FRMPD1: variants seen among roughly 807,000 people sequenced by gnomAD.
FRMPD1 encodes the protein FERM and PDZ domain containing 1.
A neutral mutation model predicts 117.8 loss-of-function variants in FRMPD1; 76 were observed. The observed-to-expected ratio is 0.65, with a 90% CI of 0.54 to 0.78. The LOEUF is 0.78. FRMPD1 is among the 30% of genes least tolerant of loss of function. FRMPD1 has a pLI of 0.00. For synonymous variants in FRMPD1, 783 were observed against 770.4 expected, an observed-to-expected ratio of 1.02 and a Z score of -0.27; for missense variants, 1,786 against 1,964.5, an observed-to-expected ratio of 0.91 and a Z score of 1.72.
At chr9:37,720,430 C>T (rs576696506) in intron 6 of FRMPD1, among the ~76,000 whole-genome samples, 4 of 151,956 alleles carry the variant, frequency 2.6e-5, no homozygotes, top group South Asian at 4.2e-4. Context: ...TCTGGGAGGC[C>T]GAGGCGGGCA....
chr9:37,714,018 T>A (rs914138817), intron 5 of FRMPD1, among the ~76,000 whole-genome samples: 1 of 152,254 alleles, frequency 6.6e-6, no homozygotes, highest in Non-Finnish European at 1.5e-5. Context: ...TCTTTTGTTT[T>A]TATTTCTTGG....
At chr9:37,717,379 ATATT>A (rs1249709440) in intron 5 of FRMPD1, among the ~76,000 whole-genome samples, 13 of 113,906 alleles carry the variant, frequency 1.1e-4, no homozygotes, top group Admixed American at 1.7e-4. Context: ...GTATATATAT[ATATT>A]TTTTTTTTTT....
At position 37,678,251 on chromosome 9, in the gene FRMPD1, C is replaced by CTTTTTTTTTTT. The variant is rs34040451; in HGVS notation, c.-4-14369_-4-14359dup. 1.3e-3 allele frequency among the ~76,000 whole-genome samples: 100 copies of CTTTTTTTTTTT among 79,836 alleles called. 6 individuals carry two copies. The highest frequency in any genetic ancestry group is 4.1e-3 in the East Asian group (7 of 1,690). 52.4% of individuals were successfully genotyped at this position (79,836 alleles called of 152,430 possible). A position where few individuals can be genotyped will look rare whatever the true frequency, so the allele number is the denominator to read the frequency against. ...CTCTTTTCCCCTCTAGTACTTACCA[C>CTTTTTTTTTTT]TTTTTTTTTTTTTTTTTTTTTTTTT... is the stretch of plus-strand genomic sequence containing the variant. On this transcript the variant is annotated intron_variant, in intron 1 of 15. Coordinates refer to ENST00000377765, the MANE Select transcript of FRMPD1 (RefSeq NM_014907.3).
chr9:37,629,124 G>A, the FRMPD1 span, among the ~76,000 whole-genome samples: 6 of 152,086 alleles, frequency 3.9e-5, no homozygotes, highest in African/African-American at 1.2e-4. Context: ...GCTTGAACTC[G>A]GGAGGCGGAG....
chr9:37,635,681 C>A, the FRMPD1 span, among the ~76,000 whole-genome samples: 2 of 152,182 alleles, frequency 1.3e-5, no homozygotes, highest in Admixed American at 6.5e-5. Flanking sequence ...CTCAGGGAGA[C>A]CAAAGACTTG....
chr9:37,696,639 G>A (rs1822334793), intron 2 of FRMPD1, among the ~76,000 whole-genome samples: 1 of 152,178 alleles, frequency 6.6e-6, no homozygotes, highest in Non-Finnish European at 1.5e-5. Flanking sequence ...ATGAGACTAA[G>A]GATTTAGCAT....
At chr9:37,634,126 G>T in the FRMPD1 span, among the ~76,000 whole-genome samples, 9 of 152,102 alleles carry the variant, frequency 5.9e-5, no homozygotes, top group Non-Finnish European at 1.3e-4. Context: ...ATTACCCATA[G>T]AAATAATAGA....
At chr9:37,636,180 G>C in the FRMPD1 span, among the ~76,000 whole-genome samples, 17 of 152,294 alleles carry the variant, frequency 1.1e-4, no homozygotes, top group Non-Finnish European at 1.9e-4. Context: ...AGGGTGGGCT[G>C]CTGGGCCCCT....
intron 1 of FRMPD1, among the ~76,000 whole-genome samples, chr9:37,658,092 A>G (rs1820892801): frequency 6.6e-6 from 1 of 152,164 alleles, no homozygotes; most frequent in South Asian, 2.1e-4. Flanking sequence ...GACAGGGATC[A>G]GGCCCCCACA....
At chr9:37,713,046 A>G (rs918648956) in intron 5 of FRMPD1, among the ~76,000 whole-genome samples, 3 of 151,950 alleles carry the variant, frequency 2.0e-5, no homozygotes, top group African/African-American at 7.2e-5. Context: ...GAGACTAAGT[A>G]TTATTAATAT....
intron 14 of FRMPD1, among the ~76,000 whole-genome samples, chr9:37,738,752 G>A (rs550587774): frequency 2.0e-5 from 3 of 152,140 alleles, no homozygotes; most frequent in African/African-American, 7.2e-5. Flanking sequence ...TTGTGGGGGG[G>A]ACTGCTGCTG....
intron 1 of FRMPD1, among the ~76,000 whole-genome samples, chr9:37,683,640 T>C (rs13302660): frequency 2.0e-5 from 3 of 148,636 alleles, no homozygotes; most frequent in African/African-American, 4.9e-5. Context: ...CAACAGGTAA[T>C]ACAGTTCTGC....
chr9:37,609,974 T>C, the FRMPD1 span, among the ~76,000 whole-genome samples: 2 of 152,210 alleles, frequency 1.3e-5, no homozygotes, highest in South Asian at 4.1e-4. Context: ...CAATGTCACT[T>C]TCCCAGAAAG....
intron 1 of FRMPD1, among the ~76,000 whole-genome samples, chr9:37,671,597 C>T (rs1821353552): frequency 6.6e-6 from 1 of 152,126 alleles, no homozygotes; most frequent in South Asian, 2.1e-4. Context: ...AGGGAAAATA[C>T]TGGGTACTGT....
At chr9:37,637,281 A>G in the FRMPD1 span, 1 of 1,569,176 alleles carries the variant, frequency 6.4e-7, no homozygotes, top group East Asian at 2.2e-5. Context: ...AGGCAGTCAT[A>G]TCCGGGGTTC....
At chr9:37,679,352 T>C (rs1302222633) in intron 1 of FRMPD1, among the ~76,000 whole-genome samples, 1 of 152,244 alleles carries the variant, frequency 6.6e-6, no homozygotes, top group Non-Finnish European at 1.5e-5. Flanking sequence ...CATTTGTTTT[T>C]GTAAAACACC....
In FRMPD1 at chr9:37,740,594, T is replaced by A; in HGVS notation, c.2066T>A (p.Leu689Gln). ...ALETFGWAPELSTVRLDPRLY... is the reference protein window; with the variant it reads ...ALETFGWAPEQSTVRLDPRLY... ...GAGACATTTGGCTGGGCACCAGAAC[T>A]GAGCACAGTCAGGCTGGACCCCAGG... The change falls in exon 15 of 16, where the codon CTG (leucine) becomes CAG (glutamine). Residue 689 changes from leucine (L) to glutamine (Q), a missense_variant. Coordinates refer to ENST00000377765, the MANE Select transcript of FRMPD1 (RefSeq NM_014907.3). The surrounding 1 kb of genome is among the most constrained non-coding windows in gnomAD (Gnocchi z 4.2). 1.2e-6 allele frequency: 2 copies of A among 1,614,204 alleles called. No homozygotes were observed. Among genetic ancestry groups the A allele is most frequent in the Non-Finnish European group, 8.5e-7 (1 of 1,180,022 alleles).
the FRMPD1 span, among the ~76,000 whole-genome samples, chr9:37,638,095 A>T: frequency 2.2e-5 from 3 of 139,090 alleles, 1 homozygote; most frequent in East Asian, 6.4e-4. Context: ...TTCTTTCGAG[A>T]CGGAGTCTTG....
the FRMPD1 span, among the ~76,000 whole-genome samples, chr9:37,621,850 T>TG: frequency 0.065 from 9,873 of 152,092 alleles, 1,043 homozygotes; most frequent in African/African-American, 0.22. Flanking sequence ...TTCTAGGGCC[T>TG]GGGAGAAACT....
Sources: gnomAD v4.1 joint callset for allele counts (sites outside exome capture counted in the v4.1 genomes callset) on GRCh38, gnomAD v4.1.1 for gene constraint, Gnocchi (gnomAD v3.1) non-coding constraint, MANE v1.5 for transcripts, NCBI Gene and HGNC (gene_info 2026-07-23, HGNC 2026-07-21) for gene names.